The following CR2 variants were observed in gnomAD, a reference collection of about 807,000 sequenced individuals.
CR2 encodes the protein complement C3d receptor 2.
A neutral mutation model predicts 123.0 loss-of-function variants in CR2; 96 were observed. That is an observed-to-expected ratio of 0.78 (90% confidence interval 0.66 to 0.93). The LOEUF is 0.93. Among genes scored for constraint, CR2 ranks in the 40% least tolerant of loss-of-function variants. The pLI is 0.00. For synonymous variants in CR2, 484 were observed against 469.5 expected (o/e 1.03, Z -0.40); for missense variants, 1,258 against 1,361.0 (o/e 0.92, Z 1.19).
intron 1 of CR2, among the ~76,000 whole-genome samples, chr1:207,460,423 C>T (rs912085229): frequency 2.6e-5 from 4 of 152,130 alleles, no homozygotes; most frequent in Non-Finnish European, 4.4e-5. Flanking sequence ...GTTTTGGGAG[C>T]TTTGTGTGTG....
chr1:207,466,688 C>A lies in CR2; in HGVS notation c.221C>A (p.Thr74Asn). The change falls in exon 2 of 20, where the codon ACC becomes AAC. Residue 74 changes from threonine (T) to asparagine (N), a missense_variant. By Grantham distance (65) the Thr-to-Asn change is moderately conservative. Coordinates refer to ENST00000367057, the MANE Select transcript of CR2 (RefSeq NM_001006658.3). ...ATAACTAAAGACAAAGTGGATGGAA[C>A]CTGGGATAAACCTGCTCCTAAATGT... ...LCITKDKVDG[T>N]WDKPAPKCEY... is the part of the protein sequence containing the mutation. The A allele has an allele frequency of 6.2e-7, 1 of 1,614,040 alleles. No homozygotes were observed.
intron 9 of CR2, chr1:207,471,915 G>A: frequency 1.0e-5 from 3 of 285,884 alleles, no homozygotes; most frequent in Non-Finnish European, 2.0e-5. Flanking sequence ...CTGTAAAGTT[G>A]GCATAAGACT....
intron 19 of CR2, among the ~76,000 whole-genome samples, chr1:207,487,693 G>A (rs1320884240): frequency 6.6e-6 from 1 of 152,198 alleles, no homozygotes; most frequent in Non-Finnish European, 1.5e-5. Flanking sequence ...ATGATGATGG[G>A]AATAATTTAG....
chr1:207,454,540 C>A lies in CR2; in HGVS notation c.58+64C>A. The A allele has an allele frequency of 7.9e-7, 1 of 1,272,600 alleles. No homozygotes were observed. Among genetic ancestry groups the A allele is most frequent in the Non-Finnish European group, 1.1e-6 (1 of 932,590 alleles). 78.8% of individuals were successfully genotyped at this position (1,272,600 alleles called of 1,614,324 possible). Reference sequence around the variant, plus strand: ...CCGGGCAGGGAAAGTTTCTGTGCCGCGATGCAAAGCAGGGGGCCAAAAGCG... The same window carrying A: ...CCGGGCAGGGAAAGTTTCTGTGCCGAGATGCAAAGCAGGGGGCCAAAAGCG... On this transcript the variant is annotated intron_variant, in intron 1 of 19. Transcript: ENST00000367057. This position sits in a 1 kb window ranked among gnomAD's most constrained non-coding sequence, Gnocchi z 4.3.
rs779357644 is a variant in CR2, at chr1:207,474,266, C to G, written c.2266C>G (p.Gln756Glu). Residue 756 changes from glutamine (Q) to glutamate (E), a missense_variant, in exon 13 of 20, where the codon CAG (glutamine) becomes GAG (glutamate). Transcript: ENST00000367057. ...GTACCAGTTGACTGGACATGCTTAT[C>G]AGATGTGTCAAGATGCTGAAAATGG... ...DGYQLTGHAY[Q>E]MCQDAENGIW... 3.7e-6 allele frequency: 6 copies of G among 1,613,162 alleles called. No individual in the cohort carries two copies. The East Asian group carries it at 1.3e-4, about 36-fold the overall frequency.
At chr1:207,471,144 G>C (rs145359041) in intron 8 of CR2, 57 bp downstream of exon 8, 296 of 1,530,262 alleles carry the variant, frequency 1.9e-4, no homozygotes, top group Middle Eastern at 3.4e-4. Flanking sequence ...CACACTGCAG[G>C]CTCTATGTAA....
chr1:207,454,532 C>T lies in CR2; in HGVS notation c.58+56C>T. The T allele has an allele frequency of 2.2e-6, 3 of 1,350,808 alleles. No individual in the cohort carries two copies. The highest frequency in any genetic ancestry group is 3.0e-6 in the Non-Finnish European group (3 of 997,066). The allele number at this position is 1,350,808 out of a possible 1,614,324, so 83.7% of individuals were successfully genotyped here. A position where few individuals can be genotyped will look rare whatever the true frequency, so the allele number is the denominator to read the frequency against. On this transcript the variant is annotated intron_variant, in intron 1 of 19. Transcript: ENST00000367057. This position sits in a 1 kb window ranked among gnomAD's most constrained non-coding sequence, Gnocchi z 4.3. ...GACGCGTCCCGGGCAGGGAAAGTTT[C>T]TGTGCCGCGATGCAAAGCAGGGGGC...
intron 16 of CR2, among the ~76,000 whole-genome samples, chr1:207,479,008 G>A (rs1658525470): frequency 6.6e-6 from 1 of 151,604 alleles, no homozygotes; most frequent in African/African-American, 2.4e-5. Flanking sequence ...GTTTTAAATA[G>A]ACACAAGGTC....
At chr1:207,464,421 G>A (rs749236313) in intron 1 of CR2, among the ~76,000 whole-genome samples, 25 of 152,194 alleles carry the variant, frequency 1.6e-4, no homozygotes, top group Non-Finnish European at 3.4e-4. Flanking sequence ...TCCCCCATGG[G>A]ACTTTGACAG....
intron 1 of CR2, among the ~76,000 whole-genome samples, chr1:207,455,301 T>A (rs1391595109): frequency 1.3e-5 from 2 of 152,254 alleles, no homozygotes; most frequent in African/African-American, 2.4e-5. Context: ...AATAACTGGG[T>A]GACTTTTGGC....
chr1:207,471,184 T>C, intron 8 of CR2, 97 bp downstream of exon 8: 2 of 1,246,020 alleles, frequency 1.6e-6, no homozygotes, highest in Non-Finnish European at 2.4e-6. Context: ...CTGCAAGCTC[T>C]ATGTAAGAGT....
rs1305198305 is a variant in CR2, at chr1:207,474,327, AGT to A, written c.2323+5_2323+6del. ...AAAAAGATTCCACTTTGTAAAGGTA[AGT>A]TAGAAAAAATAAAAGCCTGACAATG... On this transcript the variant is annotated splice_donor_5th_base_variant and intron_variant, in intron 13 of 19. Transcript: ENST00000367057. The A allele has an allele frequency of 4.4e-6, 7 of 1,601,076 alleles. No individual in the cohort carries two copies. Among genetic ancestry groups the A allele is most frequent in the Admixed American group, 3.3e-5 (2 of 59,934 alleles).
At chr1:207,470,566 A>C (rs1057434325) in intron 6 of CR2, among the ~76,000 whole-genome samples, 174 bp from the exon 7 acceptor site, 9 of 152,076 alleles carry the variant, frequency 5.9e-5, no homozygotes, top group South Asian at 2.1e-4. Flanking sequence ...ACAACAACAA[A>C]AGATTGGGAA....
intron 9 of CR2, among the ~76,000 whole-genome samples, chr1:207,472,240 C>T (rs1658302662): frequency 1.3e-5 from 2 of 151,718 alleles, no homozygotes; most frequent in East Asian, 1.9e-4. Flanking sequence ...CAGCGTGAGA[C>T]TCCATCTCAA....
chr1:207,476,096 T>C lies in CR2; in HGVS notation c.2717-138T>C, dbSNP rs191707824. On this transcript the variant is annotated intron_variant, in intron 14 of 19. Transcript: ENST00000367057. The stretch of plus-strand genomic sequence containing the variant: ...CTCCATCCAGTGTTGCTGGTCTGGG[T>C]GGAATGAATGAATGTTTTTGGATAC... The C allele has an allele frequency of 2.0e-5, 15 of 762,604 alleles. No individual in the cohort carries two copies. The African/African-American group carries it at 2.6e-4, about 13-fold the overall frequency. The allele number at this position is 762,604 out of a possible 1,614,324, so 47.2% of individuals were successfully genotyped here.
chr1:207,464,881 G>A (rs983364788), intron 1 of CR2, among the ~76,000 whole-genome samples: 1 of 152,106 alleles, frequency 6.6e-6, no homozygotes, highest in Non-Finnish European at 1.5e-5. Flanking sequence ...AGTATATGTG[G>A]TTGAGTTTTC....
chr1:207,466,398 T>C, intron 1 of CR2, 128 bp from the exon 2 acceptor site: 1 of 1,102,160 alleles, frequency 9.1e-7, no homozygotes, highest in East Asian at 2.4e-5. Context: ...AGGGAATAAA[T>C]AAACTATACA....
At chr1:207,459,491 TCA>T (rs1456336017) in intron 1 of CR2, among the ~76,000 whole-genome samples, 1 of 152,178 alleles carries the variant, frequency 6.6e-6, no homozygotes, top group Non-Finnish European at 1.5e-5. Flanking sequence ...GACTAAAATT[TCA>T]GTTTTATTTT....
chr1:207,473,936 G>A, intron 12 of CR2, 51 bp downstream of exon 12: 2 of 1,541,270 alleles, frequency 1.3e-6, no homozygotes, highest in Non-Finnish European at 1.8e-6. Flanking sequence ...TTGTTTTGTG[G>A]ATTAACTTGA....
Sources: allele counts gnomAD v4.1 joint callset (sites outside exome capture counted in the v4.1 genomes callset), GRCh38; gene constraint gnomAD v4.1.1; non-coding constraint Gnocchi (gnomAD v3.1); transcripts MANE v1.5; gene names NCBI Gene and HGNC (gene_info 2026-07-23, HGNC 2026-07-21).